Variants in HOXA3 observed in about 807,000 individuals in gnomAD.
The protein encoded by HOXA3 is homeobox protein Hox-A3.
Under a neutral mutation model 30.3 loss-of-function variants are expected in HOXA3, and 8 were observed. That is an observed-to-expected ratio of 0.26 (90% confidence interval 0.15 to 0.48). The LOEUF (loss-of-function observed/expected upper bound fraction) is 0.48. HOXA3 is among the 20% of genes least tolerant of loss of function. The probability of loss-of-function intolerance (pLI) is 0.99; values close to 1 mark genes in which losing one functional copy is unlikely to be tolerated. For synonymous variants in HOXA3, 323 were observed against 273.1 expected (o/e 1.18, Z -1.80); for missense variants, 653 against 614.4 (o/e 1.06, Z -0.66).
intron 4 of HOXA3, chr7:27,115,975 T>C (rs117937676): frequency 0.028 from 4,343 of 152,760 alleles, 75 homozygotes; most frequent in Non-Finnish European, 0.043. Context: ...AGGTTTTTAT[T>C]TGTTGGTTTG....
chr7:27,109,585 T>C (rs1302167320), intron 5 of HOXA3, among the ~76,000 whole-genome samples: 2 of 152,354 alleles, frequency 1.3e-5, no homozygotes, highest in Admixed American at 6.5e-5. Flanking sequence ...CCCCAGGAGA[T>C]CTTTGGCTGC....
chr7:27,146,071 G>A lies in HOXA3; in HGVS notation c.-493-5885C>T, dbSNP rs1341853150. Among the ~76,000 whole-genome samples the A allele has an allele frequency of 5.3e-5, 8 of 152,302 alleles. No individual in the cohort carries two copies. In the East Asian group the frequency reaches 1.3e-3, roughly 26 times the overall value. On this transcript the variant is annotated intron_variant, in intron 1 of 5. Coordinates refer to ENST00000612286, the MANE Select transcript of HOXA3 (RefSeq NM_153631.3). Reference sequence around the variant, plus strand: ...GTCTGGGGCCCAAAGCATACTGAATGGGAGATTATTTCATACCAAGCGAGA... The same window carrying A: ...GTCTGGGGCCCAAAGCATACTGAATAGGAGATTATTTCATACCAAGCGAGA...
intron 3 of HOXA3, among the ~76,000 whole-genome samples, chr7:27,125,343 G>T (rs912204879): frequency 6.6e-6 from 1 of 152,206 alleles, no homozygotes; most frequent in East Asian, 1.9e-4. Context: ...TTCAATCTGG[G>T]AATCTCTTTC....
chr7:27,110,776 G>C lies in HOXA3; in HGVS notation c.-120-16C>G. On this transcript the variant is annotated splice_polypyrimidine_tract_variant and intron_variant, in intron 4 of 5. Coordinates refer to ENST00000612286, the MANE Select transcript of HOXA3 (RefSeq NM_153631.3). ...CCGCGCAGACCTGGTGGGGCGAGAAGCGCAGCGCGGTGAGGGCTCCGCGCA... is the reference window on the plus strand; with the variant it reads ...CCGCGCAGACCTGGTGGGGCGAGAACCGCAGCGCGGTGAGGGCTCCGCGCA... 7.3e-7 allele frequency: 1 copy of C among 1,362,282 alleles called. No homozygotes were observed. The highest frequency in any genetic ancestry group is 1.0e-6 in the Non-Finnish European group (1 of 989,270). The allele number at this position is 1,362,282 out of a possible 1,614,324, so 84.4% of individuals were successfully genotyped here.
intron 1 of HOXA3, chr7:27,147,568 G>A: frequency 6.2e-7 from 1 of 1,614,240 alleles, no homozygotes; most frequent in Non-Finnish European, 8.5e-7. Context: ...GACCGAGTTG[G>A]ACTGTTGGTA....
At chr7:27,145,997 G>C in intron 1 of HOXA3, 1 of 1,512,006 alleles carries the variant, frequency 6.6e-7, no homozygotes, top group Non-Finnish European at 8.8e-7. Flanking sequence ...CCCACAAGAG[G>C]CACCCAGACT....
At chr7:27,151,792 C>G (rs1272859610) in intron 1 of HOXA3, 1 of 414,710 alleles carries the variant, frequency 2.4e-6, no homozygotes, top group Non-Finnish European at 4.9e-6. Flanking sequence ...GCACTTTGCC[C>G]TCACCTCTTC....
chr7:27,139,841 C>T (rs1645915662), intron 2 of HOXA3, among the ~76,000 whole-genome samples: 1 of 152,158 alleles, frequency 6.6e-6, no homozygotes, highest in Non-Finnish European at 1.5e-5. Context: ...TTAACATCCG[C>T]GGTTGTGCTG....
At chr7:27,131,161 C>T (rs1785547730) in intron 2 of HOXA3, among the ~76,000 whole-genome samples, 1 of 152,226 alleles carries the variant, frequency 6.6e-6, no homozygotes, top group African/African-American at 2.4e-5. Context: ...TGCCCTACTG[C>T]TGGCCTAGGC....
Position 27,149,600 on chromosome 7 carries a change from T to A in HOXA3, c.-494+2688A>T, listed in dbSNP as rs114172893. ...ACGGGGGCTACCCCTGGAAGCCGGATGCCTGTTCCCCAGTCGATCCGTCCT... is the reference window on the plus strand; with the variant it reads ...ACGGGGGCTACCCCTGGAAGCCGGAAGCCTGTTCCCCAGTCGATCCGTCCT... On this transcript the variant is annotated intron_variant, in intron 1 of 5. Coordinates refer to ENST00000612286, the MANE Select transcript of HOXA3 (RefSeq NM_153631.3). Among the ~76,000 whole-genome samples the A allele has an allele frequency of 2.1e-3, 324 of 152,348 alleles. 1 individual carries two copies. The highest frequency in any genetic ancestry group is 7.5e-3 in the African/African-American group (313 of 41,584).
At chr7:27,138,858 A>G (rs1417190963) in intron 2 of HOXA3, among the ~76,000 whole-genome samples, 4 of 152,226 alleles carry the variant, frequency 2.6e-5, no homozygotes, top group Non-Finnish European at 4.4e-5. Flanking sequence ...ACAAAGGACC[A>G]ATTTCTTCCC....
Position 27,108,336 on chromosome 7 carries a change from G to C in HOXA3, c.911C>G (p.Thr304Ser), listed in dbSNP as rs750997164. ...GTAGGAGGCGGGGGGCAGCCCGTAG[G>C]TACCCTGGGGGGGCTTGGAGAAGGG... Reference protein sequence around the residue: ...PPPFSKPPQGTYGLPPASYPA... With the variant: ...PPPFSKPPQGSYGLPPASYPA... The change falls in exon 6 of 6, where the codon ACC becomes AGC. Residue 304 changes from threonine (T) to serine (S), a missense_variant. By Grantham distance (58) the Thr-to-Ser change is moderately conservative (BLOSUM62 1). This residue lies in a region of HOXA3 where 330 missense variants were observed against 274.4 expected (regional missense o/e 1.20). Coordinates refer to ENST00000612286, the MANE Select transcript of HOXA3 (RefSeq NM_153631.3). The surrounding 1 kb of genome is among the most constrained non-coding windows in gnomAD (Gnocchi z 5.0). 6.6e-6 allele frequency: 10 copies of C among 1,508,632 alleles called. No homozygotes were observed. The Admixed American group carries it at 1.9e-4, about 28-fold the overall frequency. 93.5% of individuals were successfully genotyped at this position (1,508,632 alleles called of 1,614,324 possible).
rs1784269822 is a variant in HOXA3, at chr7:27,110,016, C to T, written c.526+99G>A. 8 of 1,425,126 alleles carry T rather than the reference C, an allele frequency of 5.6e-6. No homozygotes were observed. In the East Asian group the frequency reaches 1.8e-4, roughly 32 times the overall value. The allele number at this position is 1,425,126 out of a possible 1,614,324, so 88.3% of individuals were successfully genotyped here. ...TGGTGTGGGAGCAGTGAATTCCAGA[C>T]ATGCTCCATCGCTCCTAGGCTGTGC... is the stretch of plus-strand genomic sequence containing the variant. On this transcript the variant is annotated intron_variant, in intron 5 of 5. Transcript: ENST00000612286.
chr7:27,140,629 G>C (rs1747480225), intron 1 of HOXA3: 1 of 152,264 alleles, frequency 6.6e-6, no homozygotes, highest in African/African-American at 2.4e-5. Context: ...GCTGGGATGG[G>C]TTAAGGGCAG....
At chr7:27,148,313 A>G (rs1243506615) in intron 1 of HOXA3, among the ~76,000 whole-genome samples, 3 of 152,172 alleles carry the variant, frequency 2.0e-5, no homozygotes, top group African/African-American at 7.2e-5. Flanking sequence ...GCGCTCCCCT[A>G]TTCGTGGGTG....
chr7:27,130,796 G>GGCCCCT (rs1785523642), intron 2 of HOXA3: 2 of 1,507,170 alleles, frequency 1.3e-6, no homozygotes, highest in Non-Finnish European at 1.8e-6. Flanking sequence ...GGCTTGCCGA[G>GGCCCCT]GCCCCTCCCC....
chr7:27,134,305 T>A (rs934379853), intron 2 of HOXA3: 17 of 152,222 alleles, frequency 1.1e-4, no homozygotes, highest in African/African-American at 4.1e-4. Context: ...AACGCAGGGA[T>A]GAGGACTGAT....
intron 2 of HOXA3, among the ~76,000 whole-genome samples, chr7:27,131,048 C>G (rs1215738606): frequency 6.6e-6 from 1 of 152,138 alleles, no homozygotes. Flanking sequence ...GGCCCCTGGG[C>G]TGGGGGAGGG....
At chr7:27,124,785 T>C (rs1170273059) in intron 3 of HOXA3, among the ~76,000 whole-genome samples, 1 of 152,194 alleles carries the variant, frequency 6.6e-6, no homozygotes, top group African/African-American at 2.4e-5. Flanking sequence ...CAGGGTCCTT[T>C]TTTTGGCTCT....
Sources: gnomAD v4.1 joint callset for allele counts (sites outside exome capture counted in the v4.1 genomes callset) on GRCh38, gnomAD v4.1.1 for gene constraint, gnomAD v4.1.1 regional missense constraint, Gnocchi (gnomAD v3.1) non-coding constraint, MANE v1.5 for transcripts, NCBI Gene and HGNC (gene_info 2026-07-23, HGNC 2026-07-21) for gene names.